Variants in CLNK observed in about 807,000 individuals in gnomAD.
The protein encoded by CLNK is cytokine dependent hematopoietic cell linker, also known as cytokine-dependent hematopoietic cell linker.
A neutral mutation model predicts 68.6 loss-of-function variants in CLNK; 74 were observed. That is an observed-to-expected ratio of 1.08 (90% CI 0.89 to 1.31). The LOEUF (loss-of-function observed/expected upper bound fraction) is 1.31. Among genes scored for constraint, CLNK ranks in the 50% most tolerant of loss-of-function variants. The pLI, the probability that CLNK is intolerant of heterozygous loss-of-function variation, is 0.00. For synonymous variants in CLNK, 198 were observed against 172.2 expected (o/e 1.15, Z -1.17); for missense variants, 553 against 515.3 (o/e 1.07, Z -0.71).
intron 7 of CLNK, among the ~76,000 whole-genome samples, chr4:10,561,035 T>G (rs571918947): frequency 6.6e-6 from 1 of 152,200 alleles, no homozygotes; most frequent in Admixed American, 6.5e-5. Flanking sequence ...TAGCTGGGAC[T>G]ACAGGCATGC....
At chr4:10,562,868 C>A (rs1006433414) in intron 7 of CLNK, among the ~76,000 whole-genome samples, 1 of 152,046 alleles carries the variant, frequency 6.6e-6, no homozygotes, top group Non-Finnish European at 1.5e-5. Context: ...GGTCTCCTAC[C>A]ATTAGCATAT....
intron 5 of CLNK, among the ~76,000 whole-genome samples, chr4:10,567,829 A>G (rs1487078612): frequency 3.3e-5 from 5 of 152,256 alleles, no homozygotes; most frequent in Non-Finnish European, 7.3e-5. Context: ...GAGATGCTCA[A>G]TATCATTAGC....
At chr4:10,572,897 C>T (rs1045278070) in intron 4 of CLNK, among the ~76,000 whole-genome samples, 6 of 152,152 alleles carry the variant, frequency 3.9e-5, no homozygotes, top group Non-Finnish European at 7.3e-5. Context: ...GGTGCAATCT[C>T]AGCTCACTGC....
chr4:10,490,647 A>C (rs1234944237), intron 18 of CLNK, 34 bp from the exon 19 acceptor site: 1 of 1,535,308 alleles, frequency 6.5e-7, no homozygotes, highest in Non-Finnish European at 8.8e-7. Context: ...ATGACTTTTA[A>C]AATATCTTTT....
intron 5 of CLNK, among the ~76,000 whole-genome samples, chr4:10,571,131 C>T (rs1022891889): frequency 2.0e-5 from 3 of 152,170 alleles, no homozygotes; most frequent in East Asian, 1.9e-4. Flanking sequence ...CTTCTCATAA[C>T]GCACTTGCCG....
chr4:10,559,037 G>A (rs557506946), intron 7 of CLNK, among the ~76,000 whole-genome samples: 26 of 152,246 alleles, frequency 1.7e-4, no homozygotes, highest in Middle Eastern at 6.8e-3. Flanking sequence ...GCACTGTGCC[G>A]AGAACACAGG....
intron 8 of CLNK, among the ~76,000 whole-genome samples, chr4:10,550,671 A>G (rs983559224): frequency 1.3e-5 from 2 of 152,184 alleles, no homozygotes; most frequent in Admixed American, 1.3e-4. Context: ...TAAAGGTGAT[A>G]TGTGACAGCA....
upstream of CLNK, among the ~76,000 whole-genome samples, chr4:10,686,690 G>A (rs57306780): frequency 3.2e-3 from 481 of 151,222 alleles, 5 homozygotes; most frequent in African/African-American, 0.011. Flanking sequence ...GTAAATGTGG[G>A]AGAAGACTAT....
At chr4:10,629,692 A>G (rs1318325962) in intron 2 of CLNK, among the ~76,000 whole-genome samples, 2 of 151,922 alleles carry the variant, frequency 1.3e-5, no homozygotes, top group Non-Finnish European at 2.9e-5. Context: ...CTCAAGCCCA[A>G]CTAGTTTTCA....
intron 2 of CLNK, among the ~76,000 whole-genome samples, chr4:10,643,258 T>C (rs575536971): frequency 2.6e-5 from 4 of 152,356 alleles, no homozygotes; most frequent in African/African-American, 9.6e-5. Context: ...ACTCATGAGA[T>C]ACCATCTTCA....
intron 2 of CLNK, among the ~76,000 whole-genome samples, chr4:10,657,790 C>T (rs927998203): frequency 3.9e-5 from 6 of 152,162 alleles, no homozygotes; most frequent in African/African-American, 1.2e-4. Context: ...CTTTATTCTC[C>T]TTCTGATTTT....
chr4:10,632,584 C>T (rs767326645), intron 2 of CLNK, among the ~76,000 whole-genome samples: 7 of 152,246 alleles, frequency 4.6e-5, no homozygotes, highest in African/African-American at 7.2e-5. Flanking sequence ...CATTGTACCC[C>T]TAGGTCTAGC....
chr4:10,525,700 C>T, intron 14 of CLNK, 141 bp downstream of exon 14: 1 of 577,296 alleles, frequency 1.7e-6, no homozygotes, highest in Non-Finnish European at 3.1e-6. Context: ...CTGTGATTCA[C>T]AAGTTTCTCT....
chr4:10,633,940 C>G (rs955674248), intron 2 of CLNK, among the ~76,000 whole-genome samples: 2 of 152,192 alleles, frequency 1.3e-5, no homozygotes, highest in Non-Finnish European at 2.9e-5. Context: ...CCCATTAATA[C>G]TTAGGCCAAC....
At chr4:10,523,955 G>A (rs189990012) in intron 14 of CLNK, 71 of 392,100 alleles carry the variant, frequency 1.8e-4, no homozygotes, top group African/African-American at 1.4e-3. Flanking sequence ...AGCCCGGGAG[G>A]TCAAGGCTGC....
intron 12 of CLNK, among the ~76,000 whole-genome samples, chr4:10,528,436 A>G (rs942370925): frequency 4.6e-5 from 7 of 152,202 alleles, no homozygotes; most frequent in Non-Finnish European, 8.8e-5. Context: ...TCCTTTTCTA[A>G]GATACAACCT....
intron 2 of CLNK, among the ~76,000 whole-genome samples, chr4:10,650,354 G>A (rs1410243712): frequency 6.6e-6 from 1 of 151,982 alleles, no homozygotes; most frequent in South Asian, 2.1e-4. Context: ...TAATGACAGA[G>A]TACTGAGAAA....
At chr4:10,637,900 C>A (rs1422958239) in intron 2 of CLNK, among the ~76,000 whole-genome samples, 1 of 151,990 alleles carries the variant, frequency 6.6e-6, no homozygotes, top group African/African-American at 2.4e-5. Context: ...TCATTCTGCG[C>A]CCGGCCCATC....
chr4:10,666,484 C>G (rs1324864658), intron 2 of CLNK, among the ~76,000 whole-genome samples: 1 of 152,224 alleles, frequency 6.6e-6, no homozygotes, highest in African/African-American at 2.4e-5. Context: ...GGTGCCTTCT[C>G]CATTTCCCAC....
Sources: allele counts gnomAD v4.1 joint callset (sites outside exome capture counted in the v4.1 genomes callset), GRCh38; gene constraint gnomAD v4.1.1; transcripts MANE v1.5; gene names NCBI Gene and HGNC (gene_info 2026-07-23, HGNC 2026-07-21).